POLR1A: variants seen among roughly 807,000 people sequenced by gnomAD.
The protein encoded by POLR1A is RNA polymerase I subunit A, also known as DNA-directed RNA polymerase I subunit RPA1.
A neutral mutation model predicts 205.3 loss-of-function variants in POLR1A; 84 were observed. The ratio of observed to expected loss-of-function variants is 0.41; its 90% CI spans 0.34 to 0.49. POLR1A has a LOEUF of 0.49. Ranked by LOEUF, POLR1A falls within the 20% of genes least tolerant of loss-of-function variation. The pLI, the probability that POLR1A is intolerant of heterozygous loss-of-function variation, is 0.22. For missense variants in POLR1A, 1,645 were observed against 2,204.5 expected (o/e 0.75, Z 5.08); for synonymous variants, 799 against 863.7 (o/e 0.93, Z 1.31).
intron 14 of POLR1A, among the ~76,000 whole-genome samples, chr2:86,057,033 A>C (rs1672909742): frequency 6.6e-6 from 1 of 152,232 alleles, no homozygotes; most frequent in African/African-American, 2.4e-5. Context: ...AATACATTTC[A>C]TTAAGGCTGT....
At chr2:86,034,923 T>G (rs1286245579) in intron 27 of POLR1A, among the ~76,000 whole-genome samples, 2 of 151,952 alleles carry the variant, frequency 1.3e-5, no homozygotes, top group African/African-American at 4.8e-5. Flanking sequence ...CAGGCTGGAG[T>G]GCAGTGGTGC....
At chr2:86,032,460 C>CCCAT (rs1209314066) in intron 28 of POLR1A, 78 bp from the exon 29 acceptor site, 8 of 1,034,462 alleles carry the variant, frequency 7.7e-6, no homozygotes, top group Admixed American at 6.8e-5. Context: ...CACCCACCAA[C>CCCAT]CCATCCATCC....
chr2:86,058,342 G>A (rs909584153), intron 14 of POLR1A, among the ~76,000 whole-genome samples: 11 of 150,848 alleles, frequency 7.3e-5, no homozygotes, highest in South Asian at 6.3e-4. Context: ...GTCGTGATCC[G>A]GCCGCCTTGG....
chr2:86,096,968 T>C (rs1673715534), intron 3 of POLR1A, among the ~76,000 whole-genome samples: 1 of 151,996 alleles, frequency 6.6e-6, no homozygotes, highest in African/African-American at 2.4e-5. Context: ...CTATTCATCT[T>C]AGGGACAGAG....
At chr2:86,048,806 G>C (rs958815322) in intron 18 of POLR1A, 78 bp downstream of exon 18, 2 of 1,336,628 alleles carry the variant, frequency 1.5e-6, no homozygotes, top group African/African-American at 1.4e-5. Context: ...GTAGGGCCCA[G>C]GTGAGAATCA....
In POLR1A at chr2:86,089,929, A is replaced by C; in HGVS notation, c.433T>G (p.Phe145Val). 1 of 1,515,564 alleles carries C rather than the reference A, an allele frequency of 6.6e-7. No individual in the cohort carries two copies. Among genetic ancestry groups the C allele is most frequent in the Non-Finnish European group, 9.2e-7 (1 of 1,089,086 alleles). The allele number at this position is 1,515,564 out of a possible 1,614,324, so 93.9% of individuals were successfully genotyped here. Residue 145 changes from phenylalanine (F) to valine (V), a missense_variant and splice_region_variant, in exon 4 of 34, where the codon TTT (phenylalanine) becomes GTT (valine). Transcript: ENST00000263857. ...VYELERILNR[F>V]LEENPDPSAS... is the part of the protein sequence containing the mutation. ...GAGGGATCGGGATTTTCTTCCAGAA[A>C]CTGGAAAACAAAGAGGAAAACTCCA... is the stretch of plus-strand genomic sequence containing the variant.
At chr2:86,090,900 G>A (rs1190287190) in intron 3 of POLR1A, among the ~76,000 whole-genome samples, 9 of 152,176 alleles carry the variant, frequency 5.9e-5, no homozygotes, top group Admixed American at 5.2e-4. Flanking sequence ...CGCTATGATC[G>A]TACCTGTGAA....
chr2:86,030,110 G>A, intron 31 of POLR1A, 86 bp downstream of exon 31: 1 of 1,106,130 alleles, frequency 9.0e-7, no homozygotes, highest in Non-Finnish European at 1.4e-6. Context: ...AAATCGCGTA[G>A]AGCGAGCCTC....
At chr2:86,088,949 C>T (rs1277623990) in intron 4 of POLR1A, 79 bp from the exon 5 acceptor site, 2 of 1,089,486 alleles carry the variant, frequency 1.8e-6, no homozygotes, top group African/African-American at 3.2e-5. Context: ...ATGGTTTTCA[C>T]CTTTTATTTT....
At chr2:86,043,222 A>G (rs1230135497) in intron 22 of POLR1A, 27 bp from the exon 23 acceptor site, 1 of 1,563,660 alleles carries the variant, frequency 6.4e-7, no homozygotes. Context: ...AAAAACAAAC[A>G]AACAAATCAC....
intron 3 of POLR1A, among the ~76,000 whole-genome samples, chr2:86,093,250 G>C (rs1233019114): frequency 2.6e-5 from 4 of 152,000 alleles, no homozygotes; most frequent in African/African-American, 7.3e-5. Flanking sequence ...ATGTCGAAAG[G>C]GTTCCCTATT....
chr2:86,054,514 A>G (rs1258447093), intron 14 of POLR1A, among the ~76,000 whole-genome samples: 1 of 152,226 alleles, frequency 6.6e-6, no homozygotes, highest in Non-Finnish European at 1.5e-5. Context: ...TGAAAACAAA[A>G]AAGAACTTCA....
chr2:86,081,903 C>T (rs1673410383), intron 7 of POLR1A, among the ~76,000 whole-genome samples, 197 bp from the exon 8 acceptor site: 2 of 152,232 alleles, frequency 1.3e-5, no homozygotes, highest in South Asian at 2.1e-4. Context: ...GCGATCATGA[C>T]TCACTGCAGC....
chr2:86,046,998 C>A (rs1672721374), intron 19 of POLR1A, among the ~76,000 whole-genome samples, 167 bp downstream of exon 19: 1 of 152,152 alleles, frequency 6.6e-6, no homozygotes, highest in Admixed American at 6.5e-5. Flanking sequence ...ACTACATCTG[C>A]CTTTAACATT....
At chr2:86,099,410 T>C (rs1673771761) in intron 2 of POLR1A, among the ~76,000 whole-genome samples, 1 of 150,134 alleles carries the variant, frequency 6.7e-6, no homozygotes, top group South Asian at 2.1e-4. Context: ...ACAAAAATCA[T>C]GTCCATGTAT....
At chr2:86,053,121 T>C (rs537733268) in intron 15 of POLR1A, 121 bp from the exon 16 acceptor site, 70 of 516,358 alleles carry the variant, frequency 1.4e-4, no homozygotes, top group Non-Finnish European at 2.1e-4. Flanking sequence ...CCGCCTAGAA[T>C]CCTTCATGGA....
chr2:86,089,739 G>C, intron 4 of POLR1A, 83 bp downstream of exon 4: 1 of 865,134 alleles, frequency 1.2e-6, no homozygotes, highest in Non-Finnish European at 1.9e-6. Context: ...TGGGAAGCCA[G>C]AAGTATATGC....
At chr2:86,048,507 C>G (rs1672745256) in intron 18 of POLR1A, among the ~76,000 whole-genome samples, 1 of 152,242 alleles carries the variant, frequency 6.6e-6, no homozygotes, top group Non-Finnish European at 1.5e-5. Flanking sequence ...GGACTGGAAC[C>G]TGAGCCTTCA....
chr2:86,046,291 A>AAACAC (rs1381974921), intron 19 of POLR1A, among the ~76,000 whole-genome samples: 2 of 151,684 alleles, frequency 1.3e-5, no homozygotes, highest in African/African-American at 2.4e-5. Flanking sequence ...AAACAAAACA[A>AAACAC]AACACAACAA....
Sources: gnomAD v4.1 joint callset for allele counts (sites outside exome capture counted in the v4.1 genomes callset) on GRCh38, gnomAD v4.1.1 for gene constraint, MANE v1.5 for transcripts, NCBI Gene and HGNC (gene_info 2026-07-23, HGNC 2026-07-21) for gene names.